The following FCAMR variants were observed in gnomAD, a reference collection of about 807,000 sequenced individuals.
FCAMR encodes the protein Fc alpha and mu receptor.
Under a neutral mutation model 52.2 loss-of-function variants are expected in FCAMR, and 51 were observed. The observed-to-expected ratio is 0.98, with a 90% CI of 0.78 to 1.23. The LOEUF is 1.23. Ranked by LOEUF, FCAMR falls within the 50% of genes most tolerant of loss-of-function variation. The pLI, the probability that FCAMR is intolerant of heterozygous loss-of-function variation, is 0.00. For missense variants in FCAMR, 719 were observed against 712.6 expected, an observed-to-expected ratio of 1.01 and a Z score of -0.10; for synonymous variants, 282 against 262.0, an observed-to-expected ratio of 1.08 and a Z score of -0.74.
Position 206,970,142 on chromosome 1 carries a change from G to T in FCAMR, c.-17C>A, listed in dbSNP as rs757920707. 6.2e-7 allele frequency: 1 copy of T among 1,613,814 alleles called. No homozygotes were observed. The highest frequency in any genetic ancestry group is 1.3e-5 in the African/African-American group (1 of 74,886). ...TCCATCCATCTCAGTCCAGAAACAA[G>T]ATCCAGGTGGACTTTTCTTCTCCTT... On this transcript the variant is annotated 5_prime_UTR_variant, in exon 1 of 8. Transcript: ENST00000324852.
intron 4 of FCAMR, among the ~76,000 whole-genome samples, chr1:206,963,600 C>T (rs1408941222): frequency 6.6e-6 from 1 of 152,210 alleles, no homozygotes; most frequent in Non-Finnish European, 1.5e-5. Flanking sequence ...AAACCCTTTC[C>T]TTTCTCCCAG....
chr1:206,962,493 G>T lies in FCAMR; in HGVS notation c.372C>A (p.Thr124=). 1.9e-6 allele frequency: 3 copies of T among 1,606,600 alleles called. No homozygotes were observed. Among genetic ancestry groups the T allele is most frequent in the South Asian group, 1.1e-5 (1 of 90,800 alleles). The change falls in exon 5 of 8, where the codon ACC becomes ACA. Residue 124 remains threonine (T), a synonymous_variant. Transcript: ENST00000324852. The part of the protein sequence containing the change: ...LVSGEPGGAV[T]IQCHYAPSSV... ...ATGAGGGGGCATAATGGCACTGGAT[G>T]GTGACAGCTCCTCCAGGCTCCCCTG...
Position 206,960,965 on chromosome 1 carries a change from G to C in FCAMR, c.911C>G (p.Ala304Gly). The C allele has an allele frequency of 6.4e-7, 1 of 1,552,004 alleles. No homozygotes were observed. Among genetic ancestry groups the C allele is most frequent in the Non-Finnish European group, 8.7e-7 (1 of 1,147,056 alleles). ...TGGACTCTCTGGAATCGGAGCAGGTGCTTTGACAGAACCCTCTGCCCAGCT... is the reference window on the plus strand; with the variant it reads ...TGGACTCTCTGGAATCGGAGCAGGTCCTTTGACAGAACCCTCTGCCCAGCT... ...TGSWAEGSVK[A>G]PAPIPESPPS... The change falls in exon 6 of 8, where the codon GCA becomes GGA. Residue 304 changes from alanine to glycine, a missense_variant. Transcript: ENST00000324852.
chr1:206,959,945 C>T lies in FCAMR; in HGVS notation c.1455-148G>A, dbSNP rs899368982. Reference sequence around the variant, plus strand: ...CCTGGTTCCCATGGCTGGTTAGTGTCAGAGCTTGGGGCTAGAATCTCTGTC... The same window carrying T: ...CCTGGTTCCCATGGCTGGTTAGTGTTAGAGCTTGGGGCTAGAATCTCTGTC... On this transcript the variant is annotated intron_variant, in intron 6 of 7. Transcript: ENST00000324852. The T allele has an allele frequency of 2.8e-5, 18 of 645,854 alleles. 1 individual carries two copies. The highest frequency in any genetic ancestry group is 1.1e-4 in the East Asian group (4 of 36,852). 40.0% of individuals were successfully genotyped at this position (645,854 alleles called of 1,614,324 possible). A position where few individuals can be genotyped will look rare whatever the true frequency, so the allele number is the denominator to read the frequency against.
At position 206,958,658 on chromosome 1, in the gene FCAMR, AC is replaced by A; in HGVS notation, c.1591del (p.Val531SerfsTer3). The A allele has an allele frequency of 1.2e-6, 2 of 1,613,590 alleles. No individual in the cohort carries two copies. The highest frequency in any genetic ancestry group is 2.2e-5 in the South Asian group (2 of 91,038). ...AAAATGTGTCATCTGAATTAAGGTGACCCTTTCTGCCTCCTGAGCTGCAGAG... is the reference window on the plus strand; with the variant it reads ...AAAATGTGTCATCTGAATTAAGGTGACCTTTCTGCCTCCTGAGCTGCAGAG... ...RRRTSQEAERVTLIQMTHFLE... is the reference protein window; with the variant it reads ...RRRTSQEAERXTLIQMTHFLE... On this transcript the variant is annotated frameshift_variant, in exon 8 of 8. Coordinates refer to ENST00000324852, the MANE Select transcript of FCAMR (RefSeq NM_001170631.2). LOFTEE classifies it low-confidence loss of function (END_TRUNC).
chr1:206,968,088 C>G lies in FCAMR; in HGVS notation c.40-437G>C, dbSNP rs532438625. Reference sequence around the variant, plus strand: ...GGCACAGTGGCTCATGCCTGTAATCCCAGCACTTTGGGAGGCCGAGGCGGG... The same window carrying G: ...GGCACAGTGGCTCATGCCTGTAATCGCAGCACTTTGGGAGGCCGAGGCGGG... On this transcript the variant is annotated intron_variant, in intron 1 of 7. Transcript: ENST00000324852. Among the ~76,000 whole-genome samples, 34 of 152,326 alleles carry G rather than the reference C, an allele frequency of 2.2e-4. No individual in the cohort carries two copies. The East Asian group carries it at 6.6e-3, about 29-fold the overall frequency.
chr1:206,968,805 T>A (rs1680814189), intron 1 of FCAMR, among the ~76,000 whole-genome samples: 1 of 152,160 alleles, frequency 6.6e-6, no homozygotes, highest in Non-Finnish European at 1.5e-5. Flanking sequence ...AGAGAGTCCA[T>A]GGGGTGGCCC....
Position 206,958,227 on chromosome 1 carries a change from C to T in FCAMR, c.*289G>A. On this transcript the variant is annotated 3_prime_UTR_variant, in exon 8 of 8. Coordinates refer to ENST00000324852, the MANE Select transcript of FCAMR (RefSeq NM_001170631.2). ...ACTGATTGGAAGCCTCTTCTATTTT[C>T]AAACATTCAGGAATGGAAATTTCAT... is the stretch of plus-strand genomic sequence containing the variant. 3.2e-6 allele frequency: 1 copy of T among 315,524 alleles called. No individual in the cohort carries two copies. The allele number at this position is 315,524 out of a possible 1,614,324, so 19.5% of individuals were successfully genotyped here.
chr1:206,967,986 T>C (rs1374217607), intron 1 of FCAMR, among the ~76,000 whole-genome samples: 1 of 152,210 alleles, frequency 6.6e-6, no homozygotes, highest in Admixed American at 6.5e-5. Flanking sequence ...AACCCTCCTC[T>C]TTTAATGGAC....
intron 1 of FCAMR, among the ~76,000 whole-genome samples, chr1:206,968,385 A>T (rs1266744671): frequency 6.6e-6 from 1 of 152,232 alleles, no homozygotes; most frequent in Admixed American, 6.5e-5. Flanking sequence ...CTTCTCTTGT[A>T]TTCCCCAGAG....
rs1299610600 is a variant in FCAMR at position 206,961,154 on chromosome 1, G to A, written c.722C>T (p.Ala241Val). 1 of 1,551,670 alleles carries A rather than the reference G, an allele frequency of 6.4e-7. No individual in the cohort carries two copies. Among genetic ancestry groups the A allele is most frequent in the Non-Finnish European group, 8.7e-7 (1 of 1,146,982 alleles). ...GGTCCATCTGTTGGCCACTGGAGAC[G>A]CTGTTCCATAGGATCTCATGGTGAG... is the stretch of plus-strand genomic sequence containing the variant. Reference protein sequence around the residue: ...GELTMRSYGTASPVANRWTPG... With the variant: ...GELTMRSYGTVSPVANRWTPG... Residue 241 changes from alanine to valine, a missense_variant, in exon 6 of 8, where the codon GCG becomes GTG. Ala to Val is a moderately conservative substitution (Grantham distance 64). Coordinates refer to ENST00000324852, the MANE Select transcript of FCAMR (RefSeq NM_001170631.2).
intron 1 of FCAMR, among the ~76,000 whole-genome samples, chr1:206,968,806 G>A (rs926982574): frequency 3.0e-4 from 46 of 152,190 alleles, no homozygotes; most frequent in African/African-American, 9.2e-4. Flanking sequence ...GAGAGTCCAT[G>A]GGGTGGCCCT....
chr1:206,966,533 G>A (rs1015817659), intron 3 of FCAMR, among the ~76,000 whole-genome samples: 10 of 152,072 alleles, frequency 6.6e-5, no homozygotes, highest in African/African-American at 2.2e-4. Context: ...CTACAGGTGC[G>A]TGCCACCAGG....
In FCAMR at chr1:206,967,557, C is replaced by T. The variant is rs370587471; in HGVS notation, c.108+26G>A. 3.1e-6 allele frequency: 5 copies of T among 1,611,290 alleles called. No individual in the cohort carries two copies. In the African/African-American group the frequency reaches 5.3e-5, roughly 17 times the overall value. ...CTTTTCAGGAGAATGAAGGAATCTG[C>T]AAGGGGTTGTTGTTACACAACTTAC... On this transcript the variant is annotated intron_variant, in intron 2 of 7. Transcript: ENST00000324852.
Position 206,970,237 on chromosome 1 carries a change from G to T in FCAMR, c.-112C>A. On this transcript the variant is annotated 5_prime_UTR_variant, in exon 1 of 8. Transcript: ENST00000324852. ...ACCTGGAGACTGAGAAGTCAAGGTG[G>T]TATTTTGGAAAGCAGCTGGAGCTAG... 3.8e-6 allele frequency: 5 copies of T among 1,314,684 alleles called. No individual in the cohort carries two copies. The highest frequency in any genetic ancestry group is 5.4e-6 in the Non-Finnish European group (5 of 933,272). 81.4% of individuals were successfully genotyped at this position (1,314,684 alleles called of 1,614,324 possible). A position where few individuals can be genotyped will look rare whatever the true frequency, so the allele number is the denominator to read the frequency against.
intron 1 of FCAMR, among the ~76,000 whole-genome samples, chr1:206,969,588 T>G (rs896123944): frequency 6.6e-6 from 1 of 152,170 alleles, no homozygotes; most frequent in Non-Finnish European, 1.5e-5. Context: ...ACAGGCTGCT[T>G]GCTGCATGAC....
In FCAMR at chr1:206,970,175, G is replaced by A. The variant is rs751407449; in HGVS notation, c.-50C>T. On this transcript the variant is annotated 5_prime_UTR_variant, in exon 1 of 8. Coordinates refer to ENST00000324852, the MANE Select transcript of FCAMR (RefSeq NM_001170631.2). Reference sequence around the variant, plus strand: ...TGGACTTTTCTTCTCCTTATGAGATGCAGGTGTTTGGACGACTTCTAGTTG... The same window carrying A: ...TGGACTTTTCTTCTCCTTATGAGATACAGGTGTTTGGACGACTTCTAGTTG... The A allele has an allele frequency of 6.2e-7, 1 of 1,605,730 alleles. No individual in the cohort carries two copies. The highest frequency in any genetic ancestry group is 8.5e-7 in the Non-Finnish European group (1 of 1,173,206).
At chr1:206,970,049 G>T in intron 1 of FCAMR, 38 bp downstream of exon 1, 4 of 1,613,414 alleles carry the variant, frequency 2.5e-6, no homozygotes, top group Non-Finnish European at 3.4e-6. Flanking sequence ...CACATTCAGA[G>T]GCAAGATCCC....
Position 206,958,240 on chromosome 1 carries a change from A to G in FCAMR, c.*276T>C. On this transcript the variant is annotated 3_prime_UTR_variant, in exon 8 of 8. Transcript: ENST00000324852. ...CTCTTCTATTTTCAAACATTCAGGAATGGAAATTTCATGCTTTTCCTAGGT... is the reference window on the plus strand; with the variant it reads ...CTCTTCTATTTTCAAACATTCAGGAGTGGAAATTTCATGCTTTTCCTAGGT... The G allele has an allele frequency of 2.9e-6, 1 of 343,662 alleles. No homozygotes were observed. Among genetic ancestry groups the G allele is most frequent in the East Asian group, 5.2e-5 (1 of 19,128 alleles). The allele number at this position is 343,662 out of a possible 1,614,324, so 21.3% of individuals were successfully genotyped here.
Sources: gnomAD v4.1 joint callset for allele counts (sites outside exome capture counted in the v4.1 genomes callset) on GRCh38, gnomAD v4.1.1 for gene constraint, MANE v1.5 for transcripts, NCBI Gene and HGNC (gene_info 2026-07-23, HGNC 2026-07-21) for gene names.